Variants in FRMPD2 observed in about 807,000 individuals in gnomAD.
FRMPD2 encodes FERM and PDZ domain-containing protein 2.
Under a neutral mutation model 140.1 loss-of-function variants are expected in FRMPD2, and 96 were observed. The ratio of observed to expected loss-of-function variants is 0.69; its 90% confidence interval spans 0.58 to 0.81. FRMPD2 has a LOEUF of 0.81. FRMPD2 is among the 40% of genes least tolerant of loss of function. FRMPD2 has a pLI of 0.00. For synonymous variants in FRMPD2, 449 were observed against 547.6 expected, an observed-to-expected ratio of 0.82 and a Z score of 2.52; for missense variants, 1,240 against 1,447.4, an observed-to-expected ratio of 0.86 and a Z score of 2.32.
chr10:48,243,885 C>A (rs1263533906), intron 4 of FRMPD2, among the ~76,000 whole-genome samples: 1 of 152,150 alleles, frequency 6.6e-6, no homozygotes, highest in African/African-American at 2.4e-5. Flanking sequence ...TCTTGTGGCA[C>A]CAGTCTCTAA....
intron 10 of FRMPD2, among the ~76,000 whole-genome samples, chr10:48,229,123 ATG>A (rs1839794040): frequency 6.6e-6 from 1 of 152,088 alleles, no homozygotes; most frequent in African/African-American, 2.4e-5. Flanking sequence ...TAATATTAAT[ATG>A]TTTTTCCTTA....
At chr10:48,179,006 T>C (rs1489028837) in intron 21 of FRMPD2, 1 of 151,066 alleles carries the variant, frequency 6.6e-6, no homozygotes, top group African/African-American at 2.4e-5. Flanking sequence ...AGCTAATACA[T>C]ATAAAGTGCT....
In FRMPD2 at chr10:48,201,216, G is replaced by A; in HGVS notation, c.1954+12C>T. On this transcript the variant is annotated intron_variant, in intron 15 of 28. Transcript: ENST00000374201. ...TGTCAAAGTGTATATGGAGAATACA[G>A]CTTCTACTCACCAAATAAAACATGG... is the stretch of plus-strand genomic sequence containing the variant. The A allele has an allele frequency of 6.3e-7, 1 of 1,595,776 alleles. No homozygotes were observed.
chr10:48,214,710 T>C (rs1839406660), intron 12 of FRMPD2, among the ~76,000 whole-genome samples: 1 of 152,210 alleles, frequency 6.6e-6, no homozygotes, highest in South Asian at 2.1e-4. Context: ...AGCTCTGCGG[T>C]CAAGTACACT....
chr10:48,245,511 T>A lies in FRMPD2; in HGVS notation c.310-662A>T, dbSNP rs984034818. ...ACCCTCAGTTTCTTCATCTTAAAAA[T>A]GAGTATTCTGCCTGAATTCTAATAA... is the stretch of plus-strand genomic sequence containing the variant. On this transcript the variant is annotated intron_variant, in intron 3 of 28. Transcript: ENST00000374201. 9.9e-5 allele frequency among the ~76,000 whole-genome samples: 15 copies of A among 152,228 alleles called. 1 individual carries two copies. Among genetic ancestry groups the A allele is most frequent in the African/African-American group, 3.6e-4 (15 of 41,458 alleles).
chr10:48,229,489 G>A (rs1199508986), intron 10 of FRMPD2, among the ~76,000 whole-genome samples: 1 of 152,026 alleles, frequency 6.6e-6, no homozygotes, highest in East Asian at 1.9e-4. Context: ...CAAAGGATAT[G>A]TCCCTCACCT....
chr10:48,207,904 C>T (rs1839237906), intron 13 of FRMPD2, among the ~76,000 whole-genome samples: 1 of 152,184 alleles, frequency 6.6e-6, no homozygotes, highest in Non-Finnish European at 1.5e-5. Context: ...CTCTCAGGCT[C>T]CTTTCCCATT....
chr10:48,163,756 T>G, intron 27 of FRMPD2, 85 bp from the exon 28 acceptor site: 1 of 645,916 alleles, frequency 1.5e-6, no homozygotes, highest in Non-Finnish European at 2.8e-6. Flanking sequence ...CCCATGTGAT[T>G]ATAGATCAGA....
chr10:48,243,719 G>A (rs1840179661), intron 4 of FRMPD2, among the ~76,000 whole-genome samples: 1 of 152,176 alleles, frequency 6.6e-6, no homozygotes, highest in Non-Finnish European at 1.5e-5. Context: ...TGTGAGAGTG[G>A]TCGTGAGCTG....
At chr10:48,236,424 G>A (rs957024009) in intron 9 of FRMPD2, 58 bp downstream of exon 9, 18 of 1,488,432 alleles carry the variant, frequency 1.2e-5, no homozygotes, top group African/African-American at 8.3e-5. Flanking sequence ...TTGGCCTCCC[G>A]CAACTGCCCA....
Position 48,207,029 on chromosome 10 carries a change from G to A in FRMPD2, c.1612-96C>T, listed in dbSNP as rs147138868. On this transcript the variant is annotated intron_variant, in intron 13 of 28. Transcript: ENST00000374201. ...CTCCATGCAAAACACACTGATAGGCGTTCTGAAAAGAAAGAGTAGAATTGT... is the reference window on the plus strand; with the variant it reads ...CTCCATGCAAAACACACTGATAGGCATTCTGAAAAGAAAGAGTAGAATTGT... The A allele has an allele frequency of 1.6e-4, 170 of 1,035,152 alleles. 1 individual carries two copies. The African/African-American group carries it at 2.0e-3, about 12-fold the overall frequency. 64.1% of individuals were successfully genotyped at this position (1,035,152 alleles called of 1,614,324 possible). A position where few individuals can be genotyped will look rare whatever the true frequency, so the allele number is the denominator to read the frequency against.
intron 15 of FRMPD2, among the ~76,000 whole-genome samples, chr10:48,200,742 A>G (rs1017518364): frequency 1.1e-4 from 16 of 152,332 alleles, no homozygotes; most frequent in African/African-American, 3.8e-4. Flanking sequence ...AGTTTCACAT[A>G]TCATCATTGT....
At chr10:48,190,035 T>C in intron 16 of FRMPD2, among the ~76,000 whole-genome samples, 1 of 152,132 alleles carries the variant, frequency 6.6e-6, no homozygotes, top group African/African-American at 2.4e-5. Flanking sequence ...ACGGAGCAAG[T>C]ATTGGCAAAG....
At chr10:48,231,972 G>A (rs755051305) in intron 10 of FRMPD2, 143 bp downstream of exon 10, 13 of 689,160 alleles carry the variant, frequency 1.9e-5, no homozygotes, top group South Asian at 3.6e-5. Context: ...TGAAGCCCTC[G>A]TCATGCTGAC....
intron 1 of FRMPD2, among the ~76,000 whole-genome samples, chr10:48,252,840 G>A (rs1840416009): frequency 6.6e-6 from 1 of 150,878 alleles, no homozygotes; most frequent in Admixed American, 6.6e-5. Flanking sequence ...CTGAACTCCA[G>A]GCCCTCTCTC....
chr10:48,216,685 T>C (rs1331773788), intron 12 of FRMPD2, among the ~76,000 whole-genome samples: 1 of 152,156 alleles, frequency 6.6e-6, no homozygotes, highest in African/African-American at 2.4e-5. Context: ...ACACATGAAT[T>C]GCCATCTTTC....
At chr10:48,164,205 G>T (rs1276446394) in intron 27 of FRMPD2, among the ~76,000 whole-genome samples, 1 of 150,730 alleles carries the variant, frequency 6.6e-6, no homozygotes, top group Admixed American at 6.6e-5. Context: ...ACCTTCTACA[G>T]AAAAACAATC....
chr10:48,264,860 T>C (rs1471077039), intron 1 of FRMPD2, among the ~76,000 whole-genome samples: 3 of 151,956 alleles, frequency 2.0e-5, no homozygotes, highest in African/African-American at 4.8e-5. Context: ...AGAAACAAAG[T>C]TGTAGGACTG....
At chr10:48,232,605 T>C (rs12263780) in intron 9 of FRMPD2, among the ~76,000 whole-genome samples, 46,915 of 151,742 alleles carry the variant, frequency 0.31, 9,176 homozygotes, top group African/African-American at 0.56. Flanking sequence ...ATTCCAGCTC[T>C]CCCTTGGGCT....
Sources: allele counts gnomAD v4.1 joint callset (sites outside exome capture counted in the v4.1 genomes callset), GRCh38; gene constraint gnomAD v4.1.1; transcripts MANE v1.5; gene names NCBI Gene and HGNC (gene_info 2026-07-23, HGNC 2026-07-21).